Variants in SH3BGRL2 observed in about 807,000 individuals in gnomAD.
SH3BGRL2 encodes the protein SH3 domain binding glutamate rich protein like 2.
A neutral mutation model predicts 14.8 loss-of-function variants in SH3BGRL2; 21 were observed. The observed-to-expected ratio is 1.42, with a 90% confidence interval of 1.01 to 2.05. The LOEUF (loss-of-function observed/expected upper bound fraction) is 2.05, where lower values mean the gene tolerates loss of function less well. SH3BGRL2 is among the 30% of genes most tolerant of loss of function. The probability of loss-of-function intolerance (pLI) is 0.00; values close to 1 mark genes in which losing one functional copy is unlikely to be tolerated. For missense variants in SH3BGRL2, 147 were observed against 130.8 expected (o/e 1.12, Z -0.61); for synonymous variants, 50 against 47.8 (o/e 1.05, Z -0.19).
intron 1 of SH3BGRL2, among the ~76,000 whole-genome samples, chr6:79,633,513 T>C (rs943111911): frequency 6.6e-6 from 1 of 152,164 alleles, no homozygotes; most frequent in Non-Finnish European, 1.5e-5. Flanking sequence ...TTGTGAAGGC[T>C]CAGATCCCCT....
intron 2 of SH3BGRL2, among the ~76,000 whole-genome samples, chr6:79,683,655 G>A (rs1770035991): frequency 1.3e-5 from 2 of 152,076 alleles, no homozygotes; most frequent in Non-Finnish European, 1.5e-5. Flanking sequence ...CACCATGTTT[G>A]CCAGGATGGT....
At chr6:79,604,050 C>T in the SH3BGRL2 span, among the ~76,000 whole-genome samples, 1 of 152,184 alleles carries the variant, frequency 6.6e-6, no homozygotes, top group Non-Finnish European at 1.5e-5. Context: ...GGTGTTCTAC[C>T]TGCCTCGGCC....
At chr6:79,627,821 G>C (rs150177619), upstream of SH3BGRL2, among the ~76,000 whole-genome samples, 1 of 152,136 alleles carries the variant, frequency 6.6e-6, no homozygotes, top group Non-Finnish European at 1.5e-5. Context: ...TGTAGATTTA[G>C]ATATATTCAG....
the SH3BGRL2 span, among the ~76,000 whole-genome samples, chr6:79,579,921 C>T: frequency 6.6e-6 from 1 of 152,122 alleles, no homozygotes; most frequent in African/African-American, 2.4e-5. Context: ...TGCAGAGACA[C>T]ATGTAAGCTC....
intron 3 of SH3BGRL2, among the ~76,000 whole-genome samples, chr6:79,697,289 G>A: frequency 6.6e-6 from 1 of 151,906 alleles, no homozygotes; most frequent in Admixed American, 6.6e-5. Flanking sequence ...GTAAAACAAA[G>A]AACTAAAATC....
the SH3BGRL2 span, among the ~76,000 whole-genome samples, chr6:79,595,936 T>TA: frequency 2.6e-5 from 4 of 152,126 alleles, no homozygotes; most frequent in African/African-American, 9.7e-5. Flanking sequence ...CGGATTCCAC[T>TA]AAAAAATTAT....
At chr6:79,543,378 A>T in the SH3BGRL2 span, among the ~76,000 whole-genome samples, 1 of 152,324 alleles carries the variant, frequency 6.6e-6, no homozygotes, top group South Asian at 2.1e-4. Context: ...TAGCTAACCT[A>T]TTGGACAACA....
chr6:79,621,137 A>G, the SH3BGRL2 span, among the ~76,000 whole-genome samples: 1 of 152,096 alleles, frequency 6.6e-6, no homozygotes, highest in Non-Finnish European at 1.5e-5. Context: ...CACTTGGCAT[A>G]GGTTATGTCA....
chr6:79,686,042 G>C (rs1359695198), intron 2 of SH3BGRL2, among the ~76,000 whole-genome samples: 2 of 152,054 alleles, frequency 1.3e-5, no homozygotes, highest in African/African-American at 4.8e-5. Context: ...TAATATAAAA[G>C]ACTAGATTTA....
chr6:79,545,283 C>T, the SH3BGRL2 span, among the ~76,000 whole-genome samples: 19 of 152,226 alleles, frequency 1.2e-4, no homozygotes, highest in Admixed American at 3.3e-4. Context: ...GTCAGATGCC[C>T]GTACTTCAGC....
chr6:79,597,495 G>C, the SH3BGRL2 span, among the ~76,000 whole-genome samples: 11 of 152,032 alleles, frequency 7.2e-5, no homozygotes, highest in Non-Finnish European at 1.0e-4. Context: ...TTTTCAACAA[G>C]TGTGCTAAGA....
the SH3BGRL2 span, among the ~76,000 whole-genome samples, chr6:79,547,507 A>C: frequency 2.6e-5 from 4 of 152,098 alleles, no homozygotes; most frequent in Non-Finnish European, 4.4e-5. Flanking sequence ...AACTGGAGTG[A>C]GGCCCGTGTT....
the SH3BGRL2 span, chr6:79,574,431 G>A: frequency 6.6e-6 from 1 of 152,166 alleles, no homozygotes; most frequent in Non-Finnish European, 1.5e-5. Context: ...AACAGCGGGG[G>A]ATAGAGAGAG....
chr6:79,650,005 A>ACACACACG (rs70977785), intron 1 of SH3BGRL2, among the ~76,000 whole-genome samples: 1 of 151,770 alleles, frequency 6.6e-6, no homozygotes, highest in East Asian at 1.9e-4. Flanking sequence ...ACACACACAC[A>ACACACACG]CACACACACA....
the SH3BGRL2 span, chr6:79,575,653 A>G: frequency 6.6e-6 from 1 of 152,050 alleles, no homozygotes; most frequent in Non-Finnish European, 1.5e-5. Flanking sequence ...AAAGTTTTTT[A>G]CTTAAAGTTA....
At chr6:79,594,348 G>A in the SH3BGRL2 span, among the ~76,000 whole-genome samples, 2 of 152,154 alleles carry the variant, frequency 1.3e-5, no homozygotes, top group African/African-American at 4.8e-5. Flanking sequence ...GCTATTCTTT[G>A]TTGAGGCTTC....
chr6:79,630,406 C>T (rs1768798968), upstream of SH3BGRL2, among the ~76,000 whole-genome samples: 2 of 152,030 alleles, frequency 1.3e-5, no homozygotes, highest in Admixed American at 1.3e-4. Flanking sequence ...TGGTTCCTTT[C>T]GACAAAACTG....
chr6:79,620,103 T>C, the SH3BGRL2 span, among the ~76,000 whole-genome samples: 1 of 152,186 alleles, frequency 6.6e-6, no homozygotes, highest in Non-Finnish European at 1.5e-5. Context: ...GTTGTTGTTT[T>C]TTTTCTTTCC....
At chr6:79,599,038 G>A in the SH3BGRL2 span, among the ~76,000 whole-genome samples, 6 of 146,192 alleles carry the variant, frequency 4.1e-5, no homozygotes, top group South Asian at 4.3e-4. Context: ...CCAAGATTGC[G>A]CCATTGCACT....
Sources: allele counts gnomAD v4.1 joint callset (sites outside exome capture counted in the v4.1 genomes callset), GRCh38; gene constraint gnomAD v4.1.1; transcripts MANE v1.5; gene names NCBI Gene and HGNC (gene_info 2026-07-23, HGNC 2026-07-21).